THSD7B: variants seen among roughly 807,000 people sequenced by gnomAD.
The protein encoded by THSD7B is thrombospondin type-1 domain-containing protein 7B.
In THSD7B, 138 loss-of-function variants were observed where a neutral mutation model predicts 213.6. The ratio of observed to expected loss-of-function variants is 0.65; its 90% CI spans 0.56 to 0.74. The LOEUF (loss-of-function observed/expected upper bound fraction) is 0.74. THSD7B is among the 30% of genes least tolerant of loss of function. The pLI is 0.00. For synonymous variants in THSD7B, 742 were observed against 687.0 expected (o/e 1.08, Z -1.25); for missense variants, 1,931 against 1,991.5 (o/e 0.97, Z 0.58).
At chr2:137,229,752 G>C (rs1681596515) in intron 7 of THSD7B, among the ~76,000 whole-genome samples, 1 of 152,118 alleles carries the variant, frequency 6.6e-6, no homozygotes. Flanking sequence ...TTTCCTCTCT[G>C]AGCCTCTGCT....
intron 5 of THSD7B, among the ~76,000 whole-genome samples, chr2:137,159,427 C>T (rs1051451223): frequency 4.4e-5 from 6 of 136,362 alleles, no homozygotes; most frequent in African/African-American, 1.6e-4. Context: ...AACCCTGTCT[C>T]AAAAAAAAAT....
At chr2:137,218,484 T>C (rs1052797707) in intron 7 of THSD7B, among the ~76,000 whole-genome samples, 19 of 152,054 alleles carry the variant, frequency 1.2e-4, no homozygotes, top group Admixed American at 4.6e-4. Context: ...CAGTGCCAAA[T>C]TGAGTGTTGT....
chr2:136,877,268 G>T (rs564054557), intron 1 of THSD7B, among the ~76,000 whole-genome samples: 1 of 152,180 alleles, frequency 6.6e-6, no homozygotes, highest in Non-Finnish European at 1.5e-5. Flanking sequence ...CTATAATTTA[G>T]TAGCCATTTT....
intron 1 of THSD7B, among the ~76,000 whole-genome samples, chr2:136,853,717 G>C (rs778203): frequency 0.79 from 120,048 of 152,138 alleles, 47,656 homozygotes; most frequent in Middle Eastern, 0.94. Context: ...TACCACTATT[G>C]TAATTGCCAA....
At chr2:137,186,404 A>G (rs1193106079) in intron 7 of THSD7B, among the ~76,000 whole-genome samples, 2 of 152,136 alleles carry the variant, frequency 1.3e-5, no homozygotes, top group African/African-American at 4.8e-5. Flanking sequence ...ATTTCTGTAT[A>G]TGGTGAAAGG....
At chr2:137,221,699 A>G (rs1291939167) in intron 7 of THSD7B, among the ~76,000 whole-genome samples, 6 of 152,208 alleles carry the variant, frequency 3.9e-5, no homozygotes, top group African/African-American at 1.4e-4. Flanking sequence ...GTGCAATTAT[A>G]GTGAGGTAGT....
intron 3 of THSD7B, among the ~76,000 whole-genome samples, chr2:137,062,853 G>A (rs1403751285): frequency 6.6e-6 from 1 of 151,842 alleles, no homozygotes; most frequent in African/African-American, 2.4e-5. Flanking sequence ...GTTCAACTAT[G>A]TTCTTACTGA....
chr2:137,283,980 G>A (rs1457907770), intron 12 of THSD7B, among the ~76,000 whole-genome samples: 1 of 152,110 alleles, frequency 6.6e-6, no homozygotes, highest in Non-Finnish European at 1.5e-5. Context: ...AATGGTACCA[G>A]TTCCTCCTTG....
intron 2 of THSD7B, among the ~76,000 whole-genome samples, chr2:136,949,233 G>A (rs1199368286): frequency 6.6e-6 from 1 of 152,096 alleles, no homozygotes; most frequent in South Asian, 2.1e-4. Flanking sequence ...GAAACAAATG[G>A]GGCTCTGAGC....
chr2:136,932,236 A>G (rs992249268), intron 2 of THSD7B, among the ~76,000 whole-genome samples: 1 of 152,248 alleles, frequency 6.6e-6, no homozygotes, highest in Non-Finnish European at 1.5e-5. Flanking sequence ...AGGAAAGATA[A>G]GAAGAAGAAA....
chr2:137,572,895 C>T (rs1318268881), intron 17 of THSD7B, among the ~76,000 whole-genome samples: 2 of 151,856 alleles, frequency 1.3e-5, no homozygotes, highest in Non-Finnish European at 2.9e-5. Context: ...ATATCTTGGT[C>T]CTGTTCCATT....
At chr2:136,818,709 T>A (rs1450071020) in intron 1 of THSD7B, among the ~76,000 whole-genome samples, 1 of 152,184 alleles carries the variant, frequency 6.6e-6, no homozygotes, top group African/African-American at 2.4e-5. Flanking sequence ...TCAGCCTCTA[T>A]GTGAAATTGG....
At chr2:137,393,626 T>C (rs1266870318) in intron 12 of THSD7B, among the ~76,000 whole-genome samples, 1 of 144,130 alleles carries the variant, frequency 6.9e-6, no homozygotes, top group Non-Finnish European at 1.5e-5. Flanking sequence ...AACATATGTG[T>C]GCATGTGTCT....
intron 12 of THSD7B, among the ~76,000 whole-genome samples, chr2:137,282,021 C>T (rs1683033583): frequency 6.6e-6 from 1 of 152,150 alleles, no homozygotes; most frequent in Non-Finnish European, 1.5e-5. Flanking sequence ...GTCCCACCAA[C>T]AGTGTAAAAG....
chr2:136,990,444 G>A (rs139758905), intron 2 of THSD7B, among the ~76,000 whole-genome samples: 4 of 152,242 alleles, frequency 2.6e-5, no homozygotes, highest in African/African-American at 9.6e-5. Context: ...ACTTTAAAAG[G>A]GCAGAGTGAT....
At chr2:136,908,737 G>A (rs75592760) in intron 2 of THSD7B, among the ~76,000 whole-genome samples, 2,118 of 152,282 alleles carry the variant, frequency 0.014, 68 homozygotes, top group African/African-American at 0.048. Context: ...AGCTAGTGCC[G>A]AGGCTGAGTG....
chr2:137,412,668 G>GAATA (rs1686692167), intron 14 of THSD7B, among the ~76,000 whole-genome samples: 1 of 129,678 alleles, frequency 7.7e-6, no homozygotes, highest in Non-Finnish European at 1.7e-5. Flanking sequence ...CAAGTTAATA[G>GAATA]AATAAAACTA....
At chr2:137,059,101 C>T (rs369238952) in intron 3 of THSD7B, among the ~76,000 whole-genome samples, 3 of 152,038 alleles carry the variant, frequency 2.0e-5, no homozygotes, top group South Asian at 2.1e-4. Context: ...TGATTTAGTT[C>T]GTGATGAAGG....
At chr2:137,006,935 T>C (rs1458812662) in intron 2 of THSD7B, among the ~76,000 whole-genome samples, 1 of 152,174 alleles carries the variant, frequency 6.6e-6, no homozygotes, top group East Asian at 1.9e-4. Context: ...AACTGACATA[T>C]AAAAAATTTA....
Sources: gnomAD v4.1 joint callset for allele counts (sites outside exome capture counted in the v4.1 genomes callset) on GRCh38, gnomAD v4.1.1 for gene constraint, MANE v1.5 for transcripts, NCBI Gene and HGNC (gene_info 2026-07-23, HGNC 2026-07-21) for gene names.